Variants in MAMLD1 observed in about 807,000 individuals in gnomAD.
The protein encoded by MAMLD1 is mastermind like domain containing 1, also known as mastermind-like domain-containing protein 1.
In MAMLD1, 14 loss-of-function variants were observed where a neutral mutation model predicts 45.0. The observed-to-expected ratio is 0.31, with a 90% confidence interval of 0.21 to 0.49. MAMLD1 has a LOEUF of 0.49. MAMLD1 is among the 20% of genes least tolerant of loss of function. The pLI is 0.99. For synonymous variants in MAMLD1, 254 were observed against 247.8 expected (o/e 1.02, Z -0.24); for missense variants, 543 against 603.6 (o/e 0.90, Z 1.05).
intron 5 of MAMLD1, among the ~76,000 whole-genome samples, chrX:150,483,359 C>G (rs1475623660): frequency 8.9e-6 from 1 of 112,403 alleles, no homozygotes; most frequent in Non-Finnish European, 1.9e-5. Context: ...CATAGGAAGA[C>G]GTCTTCGCTA....
chrX:150,436,252 T>A (rs782406690), intron 1 of MAMLD1, among the ~76,000 whole-genome samples: 41 of 111,294 alleles, frequency 3.7e-4, no homozygotes, highest in Non-Finnish European at 6.0e-4. Flanking sequence ...ATTTCCTGAA[T>A]TTGAATGCTG....
At chrX:150,412,188 G>A (rs1214483280) in intron 1 of MAMLD1, among the ~76,000 whole-genome samples, 6 of 111,208 alleles carry the variant, frequency 5.4e-5, no homozygotes, top group African/African-American at 2.0e-4. Flanking sequence ...TCTGAGACTC[G>A]TGACTTGACA....
chrX:150,491,147 T>G (rs1163999381), intron 5 of MAMLD1, among the ~76,000 whole-genome samples: 2 of 111,397 alleles, frequency 1.8e-5, no homozygotes, highest in Non-Finnish European at 3.8e-5. Context: ...TTTTTCATCC[T>G]GTCCTCACAA....
chrX:150,467,954 T>G (rs2036276357), intron 3 of MAMLD1, among the ~76,000 whole-genome samples: 1 of 112,453 alleles, frequency 8.9e-6, no homozygotes, highest in Non-Finnish European at 1.9e-5. Context: ...AGCACCTTCA[T>G]GAGAAAAGAA....
rs782572843 is a variant in MAMLD1, at chrX:150,469,746, G to C, written c.173G>C (p.Gly58Ala). ...YKSSPGRKHQ[G>A]TVKRRQEEDH... ...TCTTCTCTTCTCTTCCATTCACAGGGAACTGTTAAGAGGAGACAAGAAGAA... is the reference window on the plus strand; with the variant it reads ...TCTTCTCTTCTCTTCCATTCACAGGCAACTGTTAAGAGGAGACAAGAAGAA... Residue 58 changes from glycine to alanine, a missense_variant and splice_region_variant, in exon 4 of 8, where the codon GGA becomes GCA. Coordinates refer to ENST00000370401, the MANE Select transcript of MAMLD1 (RefSeq NM_005491.5). The C allele has an allele frequency of 7.5e-6, 9 of 1,203,998 alleles. No homozygotes were observed. In the East Asian group the frequency reaches 2.4e-4, roughly 32 times the overall value.
At position 150,398,329 on chromosome X, in the gene MAMLD1, GAAGAAGAAGAAGA is replaced by G. The variant is rs1569564614; in HGVS notation, c.-64+34800_-64+34812del. Among the ~76,000 whole-genome samples, 179 of 83,897 alleles carry G rather than the reference GAAGAAGAAGAAGA, an allele frequency of 2.1e-3. 4 individuals are homozygous for G. The highest frequency in any genetic ancestry group is 4.0e-3 in the South Asian group (8 of 2,007). The allele number at this position is 83,897 out of a possible 115,157, so 72.9% of individuals were successfully genotyped here. ...AGAAGAAGAAGAAGAAGAAGAAGAA[GAAGAAGAAGAAGA>G]GGAAGAGGAAGAGGAAGAGGAAGAG... is the stretch of plus-strand genomic sequence containing the variant. On this transcript the variant is annotated intron_variant, in intron 1 of 7. Transcript: ENST00000370401.
intron 5 of MAMLD1, among the ~76,000 whole-genome samples, chrX:150,482,111 A>G (rs1388018314): frequency 8.9e-6 from 1 of 111,873 alleles, no homozygotes; most frequent in African/African-American, 3.2e-5. Context: ...GACAACCCAA[A>G]TGTCCATCAG....
chrX:150,417,175 A>T (rs1415137127), intron 1 of MAMLD1, among the ~76,000 whole-genome samples: 2 of 107,929 alleles, frequency 1.9e-5, no homozygotes, highest in African/African-American at 6.8e-5. Flanking sequence ...CCACCCCACA[A>T]CAGTCCCCAG....
At position 150,384,099 on chromosome X, in the gene MAMLD1, C is replaced by T. The variant is rs782766360; in HGVS notation, c.-64+20569C>T. On this transcript the variant is annotated intron_variant, in intron 1 of 7. Coordinates refer to ENST00000370401, the MANE Select transcript of MAMLD1 (RefSeq NM_005491.5). ...ATTCATGTACAAGTTTTTGTGTGGA[C>T]ATATGCTTTCATTTCTCTTGGGCAT... Among the ~76,000 whole-genome samples the T allele has an allele frequency of 3.6e-5, 4 of 111,906 alleles. No homozygotes were observed. In the South Asian group the frequency reaches 1.5e-3, roughly 41 times the overall value.
intron 5 of MAMLD1, among the ~76,000 whole-genome samples, chrX:150,482,016 G>GAAAGAA (rs2036824484): frequency 9.4e-6 from 1 of 106,948 alleles, no homozygotes; most frequent in African/African-American, 3.5e-5. Context: ...AAGAAAGAAA[G>GAAAGAA]AAAGAAAGAA....
intron 3 of MAMLD1, among the ~76,000 whole-genome samples, chrX:150,463,341 G>T (rs997974189): frequency 2.7e-5 from 3 of 111,972 alleles, no homozygotes; most frequent in Non-Finnish European, 5.6e-5. Context: ...TTCTTCCTGT[G>T]AAAACAGAGT....
intron 6 of MAMLD1, chrX:150,504,610 T>TACCCTCAGGATGTCGC: frequency 3.7e-6 from 2 of 544,796 alleles, no homozygotes; most frequent in Non-Finnish European, 4.5e-6. Context: ...ACGGACGTCG[T>TACCCTCAGGATGTCGC]CCCCTCAGGA....
chrX:150,486,282 G>T (rs914096550), intron 5 of MAMLD1, among the ~76,000 whole-genome samples: 2 of 111,938 alleles, frequency 1.8e-5, no homozygotes, highest in Non-Finnish European at 3.8e-5. Context: ...CATTCAGAGA[G>T]CAGGAGAATG....
chrX:150,394,532 G>GA (rs1285327578), intron 1 of MAMLD1, among the ~76,000 whole-genome samples: 1 of 111,073 alleles, frequency 9.0e-6, no homozygotes, highest in African/African-American at 3.3e-5. Flanking sequence ...ATCAAATTGG[G>GA]AAAAACTGGC....
At chrX:150,438,843 A>G (rs1477298252) in intron 1 of MAMLD1, among the ~76,000 whole-genome samples, 17 of 112,230 alleles carry the variant, frequency 1.5e-4, no homozygotes, top group East Asian at 5.5e-4. Flanking sequence ...CTTATTTTCA[A>G]TTCCTTTGGG....
intron 6 of MAMLD1, among the ~76,000 whole-genome samples, chrX:150,507,516 A>C (rs1436851023): frequency 8.9e-6 from 1 of 111,907 alleles, no homozygotes; most frequent in Admixed American, 9.4e-5. Context: ...GCCTCTGGAC[A>C]CTGCCGTAAG....
intron 6 of MAMLD1, among the ~76,000 whole-genome samples, chrX:150,509,101 G>C (rs2037826989): frequency 9.0e-6 from 1 of 111,663 alleles, no homozygotes; most frequent in South Asian, 3.8e-4. Context: ...CTTGAAACTT[G>C]GCTCGCTCCT....
chrX:150,463,328 G>GATTTCTTC (rs1253990818), intron 3 of MAMLD1, among the ~76,000 whole-genome samples: 1 of 111,847 alleles, frequency 8.9e-6, no homozygotes, highest in Non-Finnish European at 1.9e-5. Context: ...ACTGGGTGAG[G>GATTTCTTC]ATTTCTTCCT....
intron 1 of MAMLD1, among the ~76,000 whole-genome samples, chrX:150,419,076 T>A (rs1557403296): frequency 1.4e-5 from 1 of 72,484 alleles, no homozygotes; most frequent in Non-Finnish European, 2.6e-5. Context: ...GGAGTCTAAG[T>A]CTCTTTGTAG....
Sources: gnomAD v4.1 joint callset for allele counts (sites outside exome capture counted in the v4.1 genomes callset) on GRCh38, gnomAD v4.1.1 for gene constraint, MANE v1.5 for transcripts, NCBI Gene and HGNC (gene_info 2026-07-23, HGNC 2026-07-21) for gene names.